SLC7A5: variants seen among roughly 807,000 people sequenced by gnomAD.
SLC7A5 encodes solute carrier family 7 member 5.
SLC7A5 carries 23 observed loss-of-function variants against 50.2 expected under a neutral mutation model. The ratio of observed to expected loss-of-function variants is 0.46; its 90% CI spans 0.33 to 0.65. The LOEUF (loss-of-function observed/expected upper bound fraction) is 0.65. Ranked by LOEUF, SLC7A5 falls within the 30% of genes least tolerant of loss-of-function variation. The pLI is 0.02. For missense variants in SLC7A5, 578 were observed against 684.4 expected (o/e 0.84, Z 1.73); for synonymous variants, 393 against 330.6 (o/e 1.19, Z -2.05).
chr16:87,832,047 G>C lies in SLC7A5; in HGVS notation c.*923C>G, dbSNP rs1267535425. 6.6e-6 allele frequency: 1 copy of C among 152,342 alleles called. No homozygotes were observed. The highest frequency in any genetic ancestry group is 2.4e-5 in the African/African-American group (1 of 41,442). 9.4% of individuals were successfully genotyped at this position (152,342 alleles called of 1,614,324 possible). A position where few individuals can be genotyped will look rare whatever the true frequency, so the allele number is the denominator to read the frequency against. ...TGCATTGGAGGCTGAGGGTAGCTGC[G>C]ACCTCTGGGGCAGGGGACACTGCTG... On this transcript the variant is annotated 3_prime_UTR_variant, in exon 10 of 10. Transcript: ENST00000261622. This position sits in a 1 kb window ranked among gnomAD's most constrained non-coding sequence, Gnocchi z 4.6.
At chr16:87,839,675 G>C in intron 5 of SLC7A5, 27 bp downstream of exon 5, 1 of 1,612,510 alleles carries the variant, frequency 6.2e-7, no homozygotes, top group Non-Finnish European at 8.5e-7. Context: ...TCAGGCCCCT[G>C]GTGGAAGCTG....
intron 1 of SLC7A5, among the ~76,000 whole-genome samples, chr16:87,863,986 A>AATATATATAGATATATATATAT (rs1555516642): frequency 1.2e-5 from 1 of 83,280 alleles, no homozygotes; most frequent in Non-Finnish European, 2.5e-5. Context: ...ATCATTTAAA[A>AATATATATAGATATATATATAT]ATATATATAT....
intron 1 of SLC7A5, among the ~76,000 whole-genome samples, chr16:87,867,247 G>C (rs1368201009): frequency 1.3e-5 from 2 of 152,208 alleles, no homozygotes; most frequent in African/African-American, 4.8e-5. Context: ...TTAAAGATAA[G>C]AGTGCAGGCT....
rs769919457 is a variant in SLC7A5 at position 87,833,071 on chromosome 16, C to T, written c.1469-46G>A. 9 of 1,564,594 alleles carry T rather than the reference C, an allele frequency of 5.8e-6. No homozygotes were observed. The African/African-American group carries it at 6.8e-5, about 12-fold the overall frequency. ...TGTGTTAGCCTGGGGGCTGGGTAGGCACCCGTGGGACACGGGGGCGTGAGC... is the reference window on the plus strand; with the variant it reads ...TGTGTTAGCCTGGGGGCTGGGTAGGTACCCGTGGGACACGGGGGCGTGAGC... On this transcript the variant is annotated intron_variant, in intron 9 of 9. Transcript: ENST00000261622. This position sits in a 1 kb window ranked among gnomAD's most constrained non-coding sequence, Gnocchi z 6.0.
intron 2 of SLC7A5, among the ~76,000 whole-genome samples, chr16:87,844,813 G>A (rs1388378728): frequency 2.6e-5 from 4 of 152,280 alleles, no homozygotes; most frequent in African/African-American, 4.8e-5. Context: ...CTGGCCCCTT[G>A]GGGCTCTAGG....
In SLC7A5 at chr16:87,853,323, AC is replaced by A. The variant is rs2055262943; in HGVS notation, c.539-1475del. 6.6e-6 allele frequency among the ~76,000 whole-genome samples: 1 copy of A among 151,992 alleles called. No homozygotes were observed. Among genetic ancestry groups the A allele is most frequent in the African/African-American group, 2.4e-5 (1 of 41,370 alleles). ...CCTGCCTATCTCTCAGAAATTAACC[AC>A]CCCGCTACAATTCTGTGGATGCCAG... On this transcript the variant is annotated intron_variant, in intron 1 of 9. Coordinates refer to ENST00000261622, the MANE Select transcript of SLC7A5 (RefSeq NM_003486.7). This position sits in a 1 kb window ranked among gnomAD's most constrained non-coding sequence, Gnocchi z 4.4.
In SLC7A5 at chr16:87,859,197, G is replaced by A. The variant is rs536841831; in HGVS notation, c.539-7348C>T. Among the ~76,000 whole-genome samples the A allele has an allele frequency of 7.7e-4, 117 of 152,354 alleles. No homozygotes were observed. In the South Asian group the frequency reaches 0.01, roughly 13 times the overall value. ...TGGCTCCGGGCCACACAGCTTGAGG[G>A]ACTCAGAGCTCCAGGGACAGTGCCC... is the stretch of plus-strand genomic sequence containing the variant. On this transcript the variant is annotated intron_variant, in intron 1 of 9. Coordinates refer to ENST00000261622, the MANE Select transcript of SLC7A5 (RefSeq NM_003486.7).
chr16:87,863,251 C>T (rs1260714363), intron 1 of SLC7A5, among the ~76,000 whole-genome samples: 1 of 152,136 alleles, frequency 6.6e-6, no homozygotes, highest in Non-Finnish European at 1.5e-5. Context: ...CCCCTGAGGC[C>T]CACAGCATCT....
intron 2 of SLC7A5, among the ~76,000 whole-genome samples, chr16:87,848,021 G>C (rs8047781): frequency 6.6e-6 from 1 of 152,150 alleles, no homozygotes; most frequent in Non-Finnish European, 1.5e-5. Context: ...TTCAGCCGGG[G>C]TCTGAGCCCT....
intron 1 of SLC7A5, among the ~76,000 whole-genome samples, chr16:87,863,027 A>C (rs1198203348): frequency 6.6e-6 from 1 of 152,142 alleles, no homozygotes; most frequent in African/African-American, 2.4e-5. Context: ...CACGCCTGGG[A>C]CTGTCTCAGC....
rs1329682416 is a variant in SLC7A5, at chr16:87,833,362, G to T, written c.1469-337C>A. ...CAACGGGGGGATGACAGGCCTTCCT[G>T]CAGGTCCACACCCGGGCCACCACCT... On this transcript the variant is annotated intron_variant, in intron 9 of 9. Transcript: ENST00000261622. The surrounding 1 kb of genome is among the most constrained non-coding windows in gnomAD (Gnocchi z 6.0). 1.3e-5 allele frequency among the ~76,000 whole-genome samples: 2 copies of T among 152,218 alleles called. No individual in the cohort carries two copies. Among genetic ancestry groups the T allele is most frequent in the African/African-American group, 2.4e-5 (1 of 41,462 alleles).
chr16:87,840,081 G>A (rs1597496514), intron 4 of SLC7A5, among the ~76,000 whole-genome samples: 1 of 152,202 alleles, frequency 6.6e-6, no homozygotes, highest in Non-Finnish European at 1.5e-5. Flanking sequence ...ATTCTTCGGG[G>A]TGACCTCAAG....
At chr16:87,846,337 T>A (rs1040596743) in intron 2 of SLC7A5, among the ~76,000 whole-genome samples, 3 of 152,230 alleles carry the variant, frequency 2.0e-5, no homozygotes, top group African/African-American at 7.2e-5. Context: ...GGCCGAGCTG[T>A]GGCCGACTCC....
intron 5 of SLC7A5, among the ~76,000 whole-genome samples, chr16:87,839,270 A>AGCTGCCCGGTGAC (rs2055053146): frequency 6.6e-6 from 1 of 152,172 alleles, no homozygotes; most frequent in Non-Finnish European, 1.5e-5. Context: ...AGCCTGGCTG[A>AGCTGCCCGGTGAC]GCTGCCCGGT....
Position 87,852,549 on chromosome 16 carries a change from C to T in SLC7A5, c.539-700G>A, listed in dbSNP as rs544819748. 4.6e-5 allele frequency among the ~76,000 whole-genome samples: 7 copies of T among 152,166 alleles called. No homozygotes were observed. Among genetic ancestry groups the T allele is most frequent in the African/African-American group, 1.4e-4 (6 of 41,512 alleles). Reference sequence around the variant, plus strand: ...TGGCCAGAACGCCTGCCCCAGGAGGCGCTGAGATGTGGGGTCAGGCACGCT... The same window carrying T: ...TGGCCAGAACGCCTGCCCCAGGAGGTGCTGAGATGTGGGGTCAGGCACGCT... On this transcript the variant is annotated intron_variant, in intron 1 of 9. Coordinates refer to ENST00000261622, the MANE Select transcript of SLC7A5 (RefSeq NM_003486.7). This position sits in a 1 kb window ranked among gnomAD's most constrained non-coding sequence, Gnocchi z 4.5.
At chr16:87,846,429 G>C (rs2055154960) in intron 2 of SLC7A5, among the ~76,000 whole-genome samples, 1 of 152,224 alleles carries the variant, frequency 6.6e-6, no homozygotes, top group South Asian at 2.1e-4. Context: ...CAGGAGAGCG[G>C]GGCCCGAAGC....
chr16:87,854,864 T>C (rs1048678307), intron 1 of SLC7A5, among the ~76,000 whole-genome samples: 1 of 152,178 alleles, frequency 6.6e-6, no homozygotes, highest in South Asian at 2.1e-4. Flanking sequence ...TTGGGGGCAG[T>C]GCATTGGAGG....
chr16:87,845,538 C>T (rs1282823856), intron 2 of SLC7A5, among the ~76,000 whole-genome samples: 11 of 151,372 alleles, frequency 7.3e-5, no homozygotes, highest in Admixed American at 5.9e-4. Flanking sequence ...CCACGCCCAC[C>T]CCACGGAGTC....
chr16:87,859,345 T>C (rs973302834), intron 1 of SLC7A5, among the ~76,000 whole-genome samples: 1 of 152,080 alleles, frequency 6.6e-6, no homozygotes, highest in African/African-American at 2.4e-5. Flanking sequence ...AAGCCACACA[T>C]GAGAGCCGTG....
Sources: gnomAD v4.1 joint callset for allele counts (sites outside exome capture counted in the v4.1 genomes callset) on GRCh38, gnomAD v4.1.1 for gene constraint, Gnocchi (gnomAD v3.1) non-coding constraint, MANE v1.5 for transcripts, NCBI Gene and HGNC (gene_info 2026-07-23, HGNC 2026-07-21) for gene names.